The following ARL6 variants were observed in gnomAD, a reference collection of about 807,000 sequenced individuals.
ARL6 encodes the protein ADP-ribosylation factor-like protein 6.
A neutral mutation model predicts 27.1 loss-of-function variants in ARL6; 18 were observed. The ratio of observed to expected loss-of-function variants is 0.66; its 90% CI spans 0.46 to 0.98. ARL6 has a LOEUF of 0.98. Among genes scored for constraint, ARL6 ranks in the 50% least tolerant of loss-of-function variants. The pLI is 0.00. For synonymous variants in ARL6, 65 were observed against 72.3 expected, an observed-to-expected ratio of 0.90 and a Z score of 0.51; for missense variants, 187 against 214.9, an observed-to-expected ratio of 0.87 and a Z score of 0.81.
At position 97,768,140 on chromosome 3, in the gene ARL6, T is replaced by C; in HGVS notation, c.33T>C (p.Leu11=). The change falls in exon 2 of 8, where the codon CTT becomes CTC. Residue 11 remains leucine (L), a synonymous_variant. Coordinates refer to ENST00000463745, the MANE Select transcript of ARL6 (RefSeq NM_001278293.3). MGLLDRLSVL[L]GLKKKEVHVL... ...TGCTAGACAGACTTTCAGTCTTGCT[T>C]GGCCTGAAGAAGAAGGAGGTTCATG... 1 of 1,613,188 alleles carries C rather than the reference T, an allele frequency of 6.2e-7. No individual in the cohort carries two copies. The highest frequency in any genetic ancestry group is 8.5e-7 in the Non-Finnish European group (1 of 1,179,210).
chr3:97,768,077 G>T lies in ARL6; in HGVS notation c.-27-4G>T, dbSNP rs1176757145. ...GGTAATATTTTATTTTTTCTTAATT[G>T]CAGCTGGTTTGTAAATATTTGAATC... On this transcript the variant is annotated splice_region_variant and splice_polypyrimidine_tract_variant and intron_variant, in intron 1 of 7. Coordinates refer to ENST00000463745, the MANE Select transcript of ARL6 (RefSeq NM_001278293.3). 3.1e-6 allele frequency: 5 copies of T among 1,610,534 alleles called. No individual in the cohort carries two copies. In the African/African-American group the frequency reaches 4.0e-5, roughly 13 times the overall value.
At chr3:97,787,936 G>A in intron 5 of ARL6, 54 bp from the exon 6 acceptor site, 1 of 1,603,128 alleles carries the variant, frequency 6.2e-7, no homozygotes, top group Non-Finnish European at 8.5e-7. Context: ...AAGATTTGCT[G>A]CAAAATGACC....
rs772021931 is a variant in ARL6 at position 97,780,691 on chromosome 3, C to T, written c.254+8C>T. The T allele has an allele frequency of 2.5e-6, 4 of 1,597,586 alleles. No homozygotes were observed. Among genetic ancestry groups the T allele is most frequent in the East Asian group, 4.5e-5 (2 of 44,644 alleles). The stretch of plus-strand genomic sequence containing the variant: ...CTGGGAACACTATTATAAGTAAGTA[C>T]ATCTGTGAATGTTGCTTAACTAGAT... On this transcript the variant is annotated splice_region_variant and intron_variant, in intron 4 of 7. Transcript: ENST00000463745.
At chr3:97,776,721 A>G (rs1576443521) in intron 2 of ARL6, among the ~76,000 whole-genome samples, 2 of 152,212 alleles carry the variant, frequency 1.3e-5, no homozygotes, top group East Asian at 3.9e-4. Flanking sequence ...CAGTGGCACA[A>G]TCTTGGCTCA....
At chr3:97,773,953 G>A (rs1028111326) in intron 2 of ARL6, among the ~76,000 whole-genome samples, 2 of 152,156 alleles carry the variant, frequency 1.3e-5, no homozygotes, top group Non-Finnish European at 2.9e-5. Flanking sequence ...TGGAGGGTCT[G>A]GTCCATATGT....
chr3:97,767,438 T>A (rs941348071), intron 1 of ARL6, among the ~76,000 whole-genome samples: 1 of 152,104 alleles, frequency 6.6e-6, no homozygotes, highest in African/African-American at 2.4e-5. Flanking sequence ...CAAAGATGTA[T>A]GTATAGGATA....
intron 6 of ARL6, 26 bp from the exon 7 acceptor site, chr3:97,791,745 T>C (rs2037745930): frequency 6.2e-7 from 1 of 1,609,382 alleles, no homozygotes; most frequent in African/African-American, 1.3e-5. Flanking sequence ...ATGAGATGGC[T>C]ATGTTTCTTA....
At chr3:97,777,139 A>G (rs2036948949) in intron 2 of ARL6, among the ~76,000 whole-genome samples, 1 of 152,296 alleles carries the variant, frequency 6.6e-6, no homozygotes, top group East Asian at 1.9e-4. Flanking sequence ...AGATTGATGG[A>G]TGATTTTTTA....
chr3:97,798,009 G>GT lies in ARL6; in HGVS notation c.536-9dup. 3 of 1,612,296 alleles carry GT rather than the reference G, an allele frequency of 1.9e-6. No homozygotes were observed. Among genetic ancestry groups the GT allele is most frequent in the African/African-American group, 1.3e-5 (1 of 74,974 alleles). ...CTATAGAGATTGATAATTTTTGTTT[G>GT]TTTTTTGTTATCAGATCAGATCCAG... On this transcript the variant is annotated splice_polypyrimidine_tract_variant and intron_variant, in intron 7 of 7. Transcript: ENST00000463745.
At chr3:97,794,800 T>C (rs1052711425) in intron 7 of ARL6, among the ~76,000 whole-genome samples, 6 of 152,058 alleles carry the variant, frequency 3.9e-5, no homozygotes, top group African/African-American at 9.7e-5. Context: ...AAATTTAAGA[T>C]TGGGGCCGGG....
rs557557384 is a variant in ARL6 at position 97,800,236 on chromosome 3, C to T, written c.*2187C>T. On this transcript the variant is annotated 3_prime_UTR_variant, in exon 8 of 8. Transcript: ENST00000463745. ...TCTATAAACATCCATCCCTACTCCA[C>T]ATTTTCATGTAAAGATTATGTAGAA... The T allele has an allele frequency of 1.3e-5, 2 of 152,218 alleles. No homozygotes were observed. Among genetic ancestry groups the T allele is most frequent in the Non-Finnish European group, 2.9e-5 (2 of 67,988 alleles). 9.4% of individuals were successfully genotyped at this position (152,218 alleles called of 1,614,324 possible).
chr3:97,798,178 AC>A lies in ARL6; in HGVS notation c.*131del. On this transcript the variant is annotated 3_prime_UTR_variant, in exon 8 of 8. Coordinates refer to ENST00000463745, the MANE Select transcript of ARL6 (RefSeq NM_001278293.3). ...TTTCTGCTTGCATTTATGGACTCTGACCTTTTTAAGAACATAGGACTTCAGG... is the reference window on the plus strand; with the variant it reads ...TTTCTGCTTGCATTTATGGACTCTGACTTTTTAAGAACATAGGACTTCAGG... 2 of 957,252 alleles carry A rather than the reference AC, an allele frequency of 2.1e-6. No individual in the cohort carries two copies. The highest frequency in any genetic ancestry group is 3.3e-6 in the Non-Finnish European group (2 of 608,426). 59.3% of individuals were successfully genotyped at this position (957,252 alleles called of 1,614,324 possible).
chr3:97,798,220 A>G lies in ARL6; in HGVS notation c.*171A>G. ...GGACTTCAGGTATGCTAATTTGGCC[A>G]TTAATTATTTAAAAACTAAATATTC... On this transcript the variant is annotated 3_prime_UTR_variant, in exon 8 of 8. Transcript: ENST00000463745. The G allele has an allele frequency of 4.6e-6, 3 of 650,880 alleles. No individual in the cohort carries two copies. The highest frequency in any genetic ancestry group is 8.0e-6 in the Non-Finnish European group (3 of 374,564). The allele number at this position is 650,880 out of a possible 1,614,324, so 40.3% of individuals were successfully genotyped here.
At chr3:97,796,278 TAAGAG>T (rs2037997652) in intron 7 of ARL6, among the ~76,000 whole-genome samples, 1 of 151,986 alleles carries the variant, frequency 6.6e-6, no homozygotes, top group African/African-American at 2.4e-5. Flanking sequence ...CTCAAAGAGA[TAAGAG>T]AAGGTGTTAC....
In ARL6 at chr3:97,799,170, A is replaced by C. The variant is rs1210406243; in HGVS notation, c.*1121A>C. 6.6e-6 allele frequency: 1 copy of C among 152,048 alleles called. No individual in the cohort carries two copies. Among genetic ancestry groups the C allele is most frequent in the Non-Finnish European group, 1.5e-5 (1 of 67,908 alleles). The allele number at this position is 152,048 out of a possible 1,614,324, so 9.4% of individuals were successfully genotyped here. A position where few individuals can be genotyped will look rare whatever the true frequency, so the allele number is the denominator to read the frequency against. ...CATATAAAGAAAAACTGTAATATAC[A>C]ATATATACCATCTCAAGTATGCTTA... is the stretch of plus-strand genomic sequence containing the variant. On this transcript the variant is annotated 3_prime_UTR_variant, in exon 8 of 8. Coordinates refer to ENST00000463745, the MANE Select transcript of ARL6 (RefSeq NM_001278293.3).
At chr3:97,784,168 T>G (rs1209538058) in intron 4 of ARL6, among the ~76,000 whole-genome samples, 4 of 151,874 alleles carry the variant, frequency 2.6e-5, no homozygotes, top group African/African-American at 9.7e-5. Context: ...GATACAGTAT[T>G]TGATGACACA....
intron 5 of ARL6, among the ~76,000 whole-genome samples, chr3:97,786,163 C>G (rs2037448617): frequency 2.0e-5 from 3 of 151,898 alleles, no homozygotes; most frequent in Non-Finnish European, 2.9e-5. Flanking sequence ...CCAGCCTGGC[C>G]AACATGGTGA....
intron 2 of ARL6, among the ~76,000 whole-genome samples, chr3:97,772,247 T>C (rs994106273): frequency 1.4e-4 from 22 of 152,194 alleles, no homozygotes; most frequent in African/African-American, 5.3e-4. Context: ...CATAGTTCAA[T>C]CTCAGTAGGT....
chr3:97,794,022 G>C (rs1273059559), intron 7 of ARL6, among the ~76,000 whole-genome samples: 4 of 151,986 alleles, frequency 2.6e-5, no homozygotes. Context: ...ATTAGATACT[G>C]TTAAAGTACC....
Sources: allele counts gnomAD v4.1 joint callset (sites outside exome capture counted in the v4.1 genomes callset), GRCh38; gene constraint gnomAD v4.1.1; transcripts MANE v1.5; gene names NCBI Gene and HGNC (gene_info 2026-07-23, HGNC 2026-07-21).